SPRR2G: variants seen among roughly 807,000 people sequenced by gnomAD.
SPRR2G encodes the protein small proline-rich protein 2G.
SPRR2G carries 1 observed loss-of-function variant against 0.7 expected under a neutral mutation model. The ratio of observed to expected loss-of-function variants is 1.49; its 90% CI spans 0.53 to 7.06. The LOEUF (loss-of-function observed/expected upper bound fraction) is 7.06. SPRR2G is among the 30% of genes most tolerant of loss of function. SPRR2G has a pLI of 0.14. For missense variants in SPRR2G, 96 were observed against 88.5 expected (o/e 1.09, Z -0.34); for synonymous variants, 38 against 33.9 (o/e 1.12, Z -0.42).
the SPRR2G span, among the ~76,000 whole-genome samples, chr1:153,187,251 G>T: frequency 6.6e-6 from 1 of 152,150 alleles, no homozygotes; most frequent in African/African-American, 2.4e-5. Flanking sequence ...GGCCTGCCTT[G>T]CTAGGTTGGG....
the SPRR2G span, chr1:153,190,367 C>A: frequency 0.014 from 2,118 of 152,222 alleles, 44 homozygotes; most frequent in African/African-American, 0.049. Context: ...TAGGGACCAC[C>A]ACACAACCTA....
At chr1:153,159,847 A>G in the SPRR2G span, among the ~76,000 whole-genome samples, 2 of 152,164 alleles carry the variant, frequency 1.3e-5, no homozygotes, top group African/African-American at 4.8e-5. Flanking sequence ...TCACAAGAAC[A>G]GCTTGGGGGA....
chr1:153,171,196 T>A, the SPRR2G span, among the ~76,000 whole-genome samples: 1 of 152,176 alleles, frequency 6.6e-6, no homozygotes, highest in Non-Finnish European at 1.5e-5. Flanking sequence ...AGGCAATTAG[T>A]TTCTCTGAAT....
At chr1:153,150,162 A>G (rs750110076) in intron 1 of SPRR2G, 31 bp from the exon 2 acceptor site, 67 of 1,606,906 alleles carry the variant, frequency 4.2e-5, no homozygotes, top group Non-Finnish European at 5.7e-5. Flanking sequence ...AGTGCTCATA[A>G]GAGAGACAGT....
chr1:153,170,212 G>T, the SPRR2G span, among the ~76,000 whole-genome samples: 649 of 152,202 alleles, frequency 4.3e-3, 7 homozygotes, highest in Middle Eastern at 0.02. Flanking sequence ...ATATCAACTT[G>T]GTAACCTCAG....
chr1:153,164,164 G>A, the SPRR2G span, among the ~76,000 whole-genome samples: 2 of 152,070 alleles, frequency 1.3e-5, no homozygotes, highest in Non-Finnish European at 2.9e-5. Flanking sequence ...ATGTTATTTG[G>A]TAAACAAAAC....
the SPRR2G span, among the ~76,000 whole-genome samples, chr1:153,159,158 C>A: frequency 2.0e-5 from 3 of 152,204 alleles, no homozygotes; most frequent in African/African-American, 7.2e-5. Flanking sequence ...CAAATCATAT[C>A]TTTGTGAATG....
the SPRR2G span, among the ~76,000 whole-genome samples, chr1:153,177,551 A>G: frequency 6.6e-6 from 1 of 152,042 alleles, no homozygotes; most frequent in Non-Finnish European, 1.5e-5. Context: ...GTGGGTCTGA[A>G]ATGATATCTT....
the SPRR2G span, among the ~76,000 whole-genome samples, chr1:153,183,421 T>C: frequency 6.6e-6 from 1 of 151,970 alleles, no homozygotes; most frequent in Non-Finnish European, 1.5e-5. Context: ...CTACCTGGAG[T>C]GAGATGGTAT....
the SPRR2G span, among the ~76,000 whole-genome samples, chr1:153,198,440 G>A: frequency 1.3e-5 from 2 of 152,322 alleles, no homozygotes; most frequent in Non-Finnish European, 2.9e-5. Flanking sequence ...TGATGATGAT[G>A]CCACAATAAA....
rs115792981 is a variant in SPRR2G at position 153,150,052 on chromosome 1, G to A, written c.59C>T (p.Thr20Met). The A allele has an allele frequency of 3.2e-3, 5,182 of 1,613,296 alleles. 145 individuals carry two copies. The African/African-American group carries it at 0.059, about 18-fold the overall frequency. Reference sequence around the variant, plus strand: ...TGGACATGGCTCTGGGCACTTTGGCGTGGGGCACACAGGAGGTGGCTGGCA... The same window carrying A: ...TGGACATGGCTCTGGGCACTTTGGCATGGGGCACACAGGAGGTGGCTGGCA... ...QPCQPPPVCP[T>M]PKCPEPCPPP... The change falls in exon 2 of 2, where the codon ACG becomes ATG. Residue 20 changes from threonine (T) to methionine (M), a missense_variant. By Grantham distance (81) the Thr-to-Met change is moderately conservative. Transcript: ENST00000368748.
At chr1:153,172,616 C>T in the SPRR2G span, among the ~76,000 whole-genome samples, 5 of 151,956 alleles carry the variant, frequency 3.3e-5, no homozygotes, top group Non-Finnish European at 5.9e-5. Flanking sequence ...CTGGAGTTTC[C>T]GGTACAAAAA....
At chr1:153,163,495 A>G in the SPRR2G span, among the ~76,000 whole-genome samples, 1 of 152,206 alleles carries the variant, frequency 6.6e-6, no homozygotes, top group Non-Finnish European at 1.5e-5. Flanking sequence ...ATATTTGGGG[A>G]CACATAAGAA....
the SPRR2G span, among the ~76,000 whole-genome samples, chr1:153,191,860 C>T: frequency 6.6e-6 from 1 of 152,064 alleles, no homozygotes; most frequent in South Asian, 2.1e-4. Context: ...TTTATTTATG[C>T]CTGTTGTTTA....
the SPRR2G span, among the ~76,000 whole-genome samples, chr1:153,185,204 A>T: frequency 6.6e-6 from 1 of 152,162 alleles, no homozygotes; most frequent in Non-Finnish European, 1.5e-5. Flanking sequence ...TGGTATCAGG[A>T]TGATGCTGGC....
chr1:153,150,470 G>A (rs1054033769), intron 1 of SPRR2G, among the ~76,000 whole-genome samples: 3 of 152,076 alleles, frequency 2.0e-5, no homozygotes, highest in African/African-American at 7.2e-5. Flanking sequence ...TCTTCCATGA[G>A]GCCCTAGTTA....
the SPRR2G span, among the ~76,000 whole-genome samples, chr1:153,200,938 C>T: frequency 5.6e-4 from 86 of 152,238 alleles, 1 homozygote; most frequent in African/African-American, 2.0e-3. Flanking sequence ...AAACTCCTGA[C>T]CTCGTGATCC....
the SPRR2G span, among the ~76,000 whole-genome samples, chr1:153,162,650 T>C: frequency 6.6e-6 from 1 of 151,982 alleles, no homozygotes; most frequent in Non-Finnish European, 1.5e-5. Flanking sequence ...GGCCGCAGGG[T>C]CCTAAAGCAG....
chr1:153,192,773 CTTTTTG>C, the SPRR2G span, among the ~76,000 whole-genome samples: 4 of 152,166 alleles, frequency 2.6e-5, no homozygotes, highest in African/African-American at 9.7e-5. Context: ...AGCTTAAAGT[CTTTTTG>C]TTTAAGTTTA....
Sources: gnomAD v4.1 joint callset for allele counts (sites outside exome capture counted in the v4.1 genomes callset) on GRCh38, gnomAD v4.1.1 for gene constraint, MANE v1.5 for transcripts, NCBI Gene and HGNC (gene_info 2026-07-23, HGNC 2026-07-21) for gene names.